CHD7: variants seen among roughly 807,000 people sequenced by gnomAD.
The protein encoded by CHD7 is chromodomain helicase DNA binding protein 7.
In CHD7, 24 loss-of-function variants were observed where a neutral mutation model predicts 307.3. That is an observed-to-expected ratio of 0.08 (90% confidence interval 0.06 to 0.11). CHD7 has a LOEUF of 0.11. Ranked by LOEUF, CHD7 falls within the 10% of genes least tolerant of loss-of-function variation. The probability of loss-of-function intolerance (pLI) is 1.00; values close to 1 mark genes in which losing one functional copy is unlikely to be tolerated. For synonymous variants in CHD7, 1,363 were observed against 1,349.9 expected (o/e 1.01, Z -0.21); for missense variants, 3,106 against 3,727.1 (o/e 0.83, Z 4.34).
In CHD7 at chr8:60,742,081, C is replaced by T; in HGVS notation, c.649C>T (p.Gln217Ter). 1 of 1,613,938 alleles carries T rather than the reference C, an allele frequency of 6.2e-7. No homozygotes were observed. Among genetic ancestry groups the T allele is most frequent in the African/African-American group, 1.3e-5 (1 of 75,020 alleles). Residue 217 changes from glutamine to a stop codon, truncating the protein, a stop_gained, in exon 2 of 38, where the codon CAA becomes TAA. Transcript: ENST00000423902. LOFTEE classifies it high-confidence loss of function. ...QQRMSQFSQG[Q>*]EGLNQGNPFI... ...GAGGATGAGCCAGTTTTCCCAAGGC[C>T]AAGAGGGCCTCAATCAGGGAAATCC...
chr8:60,707,142 T>C (rs1236462270), intron 1 of CHD7, among the ~76,000 whole-genome samples: 1 of 152,198 alleles, frequency 6.6e-6, no homozygotes, highest in Non-Finnish European at 1.5e-5. Flanking sequence ...GTGTAGAAGC[T>C]CTGAATATGA....
At chr8:60,789,246 A>G (rs1811654031) in intron 3 of CHD7, among the ~76,000 whole-genome samples, 3 of 152,346 alleles carry the variant, frequency 2.0e-5, no homozygotes, top group African/African-American at 7.2e-5. Flanking sequence ...GTGGCATCCC[A>G]TGCCACAAAA....
At chr8:60,691,780 T>C (rs1445104046) in intron 1 of CHD7, among the ~76,000 whole-genome samples, 1 of 152,254 alleles carries the variant, frequency 6.6e-6, no homozygotes, top group Non-Finnish European at 1.5e-5. Context: ...CTTTCTTACC[T>C]GTTTTCTCCA....
In CHD7 at chr8:60,680,097, T is replaced by C. The variant is rs1288863041; in HGVS notation, c.-175+1015T>C. Among the ~76,000 whole-genome samples, 9 of 150,162 alleles carry C rather than the reference T, an allele frequency of 6.0e-5. No individual in the cohort carries two copies. In the South Asian group the frequency reaches 1.5e-3, roughly 25 times the overall value. ...CTTTAACCTTCCAACGCAACTCGGCTCCCCCGCCCCCCAACCCGCCGGGGG... is the reference window on the plus strand; with the variant it reads ...CTTTAACCTTCCAACGCAACTCGGCCCCCCCGCCCCCCAACCCGCCGGGGG... On this transcript the variant is annotated intron_variant, in intron 1 of 37. Transcript: ENST00000423902.
intron 21 of CHD7, among the ~76,000 whole-genome samples, chr8:60,843,937 CAA>C (rs2150790791): frequency 6.6e-6 from 1 of 152,284 alleles, no homozygotes; most frequent in African/African-American, 2.4e-5. Context: ...CAGGGAGTGA[CAA>C]GAGACCAAGT....
Position 60,865,575 on chromosome 8 carries a change from C to G in CHD7, c.8636C>G (p.Ala2879Gly). Residue 2879 changes from alanine to glycine, a missense_variant, in exon 38 of 38, where the codon GCC (alanine) becomes GGC (glycine). Around this residue, in one of 10 missense-constraint regions of CHD7, gnomAD observed 351 missense variants for 366.2 expected, o/e 0.96. Transcript: ENST00000423902. The surrounding 1 kb of genome is among the most constrained non-coding windows in gnomAD (Gnocchi z 4.3). ...SANGSVGAAT[A>G]PAGLPSNPLA... The stretch of plus-strand genomic sequence containing the variant: ...AATGGATCTGTTGGTGCTGCTACTG[C>G]CCCGGCTGGATTGCCCTCAAACCCG... 1 of 1,614,058 alleles carries G rather than the reference C, an allele frequency of 6.2e-7. No homozygotes were observed. Among genetic ancestry groups the G allele is most frequent in the Non-Finnish European group, 8.5e-7 (1 of 1,179,900 alleles).
intron 1 of CHD7, among the ~76,000 whole-genome samples, chr8:60,740,464 G>A (rs1361512190): frequency 2.6e-5 from 4 of 152,180 alleles, no homozygotes; most frequent in Admixed American, 2.0e-4. Flanking sequence ...CCTGGTGATT[G>A]GGCTGCTCTG....
At chr8:60,683,113 G>A (rs890324687) in intron 1 of CHD7, among the ~76,000 whole-genome samples, 1 of 152,126 alleles carries the variant, frequency 6.6e-6, no homozygotes, top group Non-Finnish European at 1.5e-5. Context: ...TCATGCGATT[G>A]GAAATTCAGA....
chr8:60,778,735 C>T (rs542405337), intron 2 of CHD7, among the ~76,000 whole-genome samples: 5 of 152,230 alleles, frequency 3.3e-5, no homozygotes, highest in South Asian at 2.1e-4. Context: ...GTTTGATCTC[C>T]GTGTCCTGTG....
At chr8:60,686,919 C>G (rs1335902496) in intron 1 of CHD7, among the ~76,000 whole-genome samples, 1 of 152,160 alleles carries the variant, frequency 6.6e-6, no homozygotes, top group Admixed American at 6.5e-5. Context: ...TTGAAAGAAA[C>G]CACAAACATT....
chr8:60,866,775 G>C lies in CHD7; in HGVS notation c.*842G>C, dbSNP rs1231793068. 6.6e-6 allele frequency: 1 copy of C among 152,546 alleles called. No homozygotes were observed. Among genetic ancestry groups the C allele is most frequent in the Non-Finnish European group, 1.5e-5 (1 of 68,008 alleles). 9.4% of individuals were successfully genotyped at this position (152,546 alleles called of 1,614,324 possible). On this transcript the variant is annotated 3_prime_UTR_variant, in exon 38 of 38. Coordinates refer to ENST00000423902, the MANE Select transcript of CHD7 (RefSeq NM_017780.4). Reference sequence around the variant, plus strand: ...ACAGACATGACTTTGTAAATGTATTGTTTTTCTTTGTTGTGATGTCCTTTT... The same window carrying C: ...ACAGACATGACTTTGTAAATGTATTCTTTTTCTTTGTTGTGATGTCCTTTT...
At chr8:60,762,942 G>A (rs1586286570) in intron 2 of CHD7, among the ~76,000 whole-genome samples, 3 of 152,120 alleles carry the variant, frequency 2.0e-5, no homozygotes, top group South Asian at 4.2e-4. Flanking sequence ...CTGGAAGCTA[G>A]CCAGGACCAA....
At chr8:60,817,394 C>T (rs1376843933) in intron 8 of CHD7, among the ~76,000 whole-genome samples, 1 of 152,188 alleles carries the variant, frequency 6.6e-6, no homozygotes, top group Non-Finnish European at 1.5e-5. Context: ...GACAGAAGAG[C>T]ACTTAGTACT....
rs1367715145 is a variant in CHD7, at chr8:60,861,136, CAG to C, written c.7830+14_7830+15del. On this transcript the variant is annotated intron_variant, in intron 35 of 37. Transcript: ENST00000423902. ...CCAAGTTATGTACCAGTGAGTATTG[CAG>C]AGTTTAGAGTTGGAAGGAATCTTGC... 1 of 1,557,994 alleles carries C rather than the reference CAG, an allele frequency of 6.4e-7. No homozygotes were observed. The highest frequency in any genetic ancestry group is 8.7e-7 in the Non-Finnish European group (1 of 1,149,660).
Position 60,742,997 on chromosome 8 carries a change from G to A in CHD7, c.1565G>A (p.Gly522Asp). The part of the protein sequence containing the change: ...PTCPPLQPHP[G>D]LHHQSSPPHP... ...TGTCCTCCACTGCAGCCTCACCCGG[G>A]CTTGCACCACCAGTCTTCACCTCCA... Residue 522 changes from glycine (G) to aspartate (D), a missense_variant, in exon 2 of 38, where the codon GGC (glycine) becomes GAC (aspartate). Transcript: ENST00000423902. 1 of 1,613,694 alleles carries A rather than the reference G, an allele frequency of 6.2e-7. No individual in the cohort carries two copies. Among genetic ancestry groups the A allele is most frequent in the Non-Finnish European group, 8.5e-7 (1 of 1,179,804 alleles).
chr8:60,705,649 T>C (rs987137133), intron 1 of CHD7, among the ~76,000 whole-genome samples: 16 of 152,254 alleles, frequency 1.1e-4, no homozygotes, highest in Non-Finnish European at 2.1e-4. Flanking sequence ...ATAAATCTTA[T>C]TGAGTAAAAA....
Position 60,742,134 on chromosome 8 carries a change from C to G in CHD7, c.702C>G (p.His234Gln), listed in dbSNP as rs565216093. 5.0e-6 allele frequency: 8 copies of G among 1,613,986 alleles called. No individual in the cohort carries two copies. The East Asian group carries it at 8.9e-5, about 18-fold the overall frequency. The change falls in exon 2 of 38, where the codon CAC becomes CAG. Residue 234 changes from histidine to glutamine, a missense_variant. Around this residue, in one of 10 missense-constraint regions of CHD7, gnomAD observed 998 missense variants for 1,004.5 expected, o/e 0.99. Coordinates refer to ENST00000423902, the MANE Select transcript of CHD7 (RefSeq NM_017780.4). ...NPFIATSGPG[H>Q]LSHVPQQSPS... The stretch of plus-strand genomic sequence containing the variant: ...TTATTGCCACCTCAGGACCTGGCCA[C>G]TTGTCCCACGTGCCCCAGCAGAGTC...
At chr8:60,788,593 A>AT (rs1343445357) in intron 3 of CHD7, among the ~76,000 whole-genome samples, 1 of 152,178 alleles carries the variant, frequency 6.6e-6, no homozygotes, top group Admixed American at 6.5e-5. Context: ...AGGGTAAAGA[A>AT]TTTGTGGCTG....
At chr8:60,860,229 T>G (rs1048202075) in intron 34 of CHD7, among the ~76,000 whole-genome samples, 4 of 152,164 alleles carry the variant, frequency 2.6e-5, no homozygotes, top group Non-Finnish European at 4.4e-5. Context: ...TTAGTATAAA[T>G]TATCTTTAAT....
Sources: allele counts gnomAD v4.1 joint callset (sites outside exome capture counted in the v4.1 genomes callset), GRCh38; gene constraint gnomAD v4.1.1; regional missense constraint gnomAD v4.1.1; non-coding constraint Gnocchi (gnomAD v3.1); transcripts MANE v1.5; gene names NCBI Gene and HGNC (gene_info 2026-07-23, HGNC 2026-07-21).